DAPK1: variants seen among roughly 807,000 people sequenced by gnomAD.
DAPK1 encodes the protein death-associated protein kinase 1.
In DAPK1, 56 loss-of-function variants were observed where a neutral mutation model predicts 144.9. The ratio of observed to expected loss-of-function variants is 0.39; its 90% CI spans 0.31 to 0.48. DAPK1 has a LOEUF of 0.48. Ranked by LOEUF, DAPK1 falls within the 20% of genes least tolerant of loss-of-function variation. DAPK1 has a pLI of 0.95. For missense variants in DAPK1, 1,454 were observed against 1,875.4 expected, an observed-to-expected ratio of 0.78 and a Z score of 4.15; for synonymous variants, 690 against 749.0, an observed-to-expected ratio of 0.92 and a Z score of 1.29.
intron 24 of DAPK1, among the ~76,000 whole-genome samples, chr9:87,700,706 G>A (rs1434162073): frequency 1.3e-5 from 2 of 151,940 alleles, no homozygotes; most frequent in East Asian, 1.9e-4. Context: ...TTACTATGTT[G>A]CCCAGGCTGG....
intron 10 of DAPK1, among the ~76,000 whole-genome samples, chr9:87,642,427 G>T (rs1830128577): frequency 6.6e-6 from 1 of 152,116 alleles, no homozygotes; most frequent in South Asian, 2.1e-4. Context: ...TGTACCTTGG[G>T]TAAGTGGGTC....
intron 2 of DAPK1, among the ~76,000 whole-genome samples, chr9:87,599,423 G>C (rs1249279894): frequency 6.6e-6 from 1 of 152,210 alleles, no homozygotes; most frequent in Non-Finnish European, 1.5e-5. Flanking sequence ...CAGTGAGTCA[G>C]ACAGAGAAAT....
intron 18 of DAPK1, among the ~76,000 whole-genome samples, chr9:87,665,159 A>G (rs1458329561): frequency 7.3e-6 from 1 of 137,282 alleles, no homozygotes; most frequent in Non-Finnish European, 1.5e-5. Flanking sequence ...CATAGCACCT[A>G]TCACCACCTG....
intron 2 of DAPK1, among the ~76,000 whole-genome samples, chr9:87,530,840 T>C (rs1188105287): frequency 6.6e-6 from 1 of 152,120 alleles, no homozygotes; most frequent in Non-Finnish European, 1.5e-5. Flanking sequence ...CCTTTGAAGG[T>C]CATCCTCACT....
At chr9:87,635,982 T>C (rs1031026630) in intron 3 of DAPK1, among the ~76,000 whole-genome samples, 9 of 152,192 alleles carry the variant, frequency 5.9e-5, no homozygotes, top group Non-Finnish European at 8.8e-5. Context: ...TCTCCCACTT[T>C]TTCCCCCCTA....
At chr9:87,507,944 A>G (rs1361801502) in intron 2 of DAPK1, among the ~76,000 whole-genome samples, 4 of 152,240 alleles carry the variant, frequency 2.6e-5, no homozygotes, top group South Asian at 4.1e-4. Context: ...TTCACCTACA[A>G]AAATGAACTA....
chr9:87,640,259 T>A, intron 7 of DAPK1, 39 bp from the exon 8 acceptor site: 1 of 1,589,344 alleles, frequency 6.3e-7, no homozygotes, highest in Non-Finnish European at 8.6e-7. Flanking sequence ...CACCAAGGGG[T>A]CATCATTAAT....
intron 2 of DAPK1, among the ~76,000 whole-genome samples, chr9:87,532,605 T>A (rs1299969257): frequency 1.3e-5 from 2 of 152,196 alleles, no homozygotes; most frequent in Non-Finnish European, 2.9e-5. Flanking sequence ...GATAGCATTT[T>A]TATACCCCCT....
At chr9:87,653,475 A>T (rs78954990) in intron 17 of DAPK1, among the ~76,000 whole-genome samples, 3,676 of 152,210 alleles carry the variant, frequency 0.024, 117 homozygotes, top group African/African-American at 0.07. Flanking sequence ...TGCATAACTC[A>T]GTGTACACTG....
chr9:87,516,428 T>C (rs116018969), intron 2 of DAPK1, among the ~76,000 whole-genome samples: 358 of 152,190 alleles, frequency 2.4e-3, no homozygotes, highest in African/African-American at 7.8e-3. Context: ...TCATGAGTCA[T>C]GAGTCATGGC....
intron 19 of DAPK1, among the ~76,000 whole-genome samples, chr9:87,672,705 G>T (rs1824218756): frequency 6.6e-6 from 1 of 152,164 alleles, no homozygotes; most frequent in East Asian, 1.9e-4. Context: ...ATTGCTAATT[G>T]CGGTCTTTCT....
intron 2 of DAPK1, among the ~76,000 whole-genome samples, chr9:87,534,258 G>GTT (rs5899004): frequency 0.28 from 40,430 of 145,408 alleles, 6,006 homozygotes; most frequent in Middle Eastern, 0.44. Flanking sequence ...TTTTTTTTTT[G>GTT]TTTTTTTTTT....
chr9:87,575,876 T>C (rs1827537913), intron 2 of DAPK1, among the ~76,000 whole-genome samples: 1 of 152,156 alleles, frequency 6.6e-6, no homozygotes, highest in African/African-American at 2.4e-5. Context: ...GGCACTAAGG[T>C]GCTCCCTGGC....
rs775145967 is a variant in DAPK1, at chr9:87,648,913, T to C, written c.1428+34T>C. On this transcript the variant is annotated intron_variant, in intron 15 of 25. Coordinates refer to ENST00000408954, the MANE Select transcript of DAPK1 (RefSeq NM_004938.4). ...TGACTGACATCCTCCCTTCCTCTGCTCTATACATGAATGTACAGGCAGCCA... is the reference window on the plus strand; with the variant it reads ...TGACTGACATCCTCCCTTCCTCTGCCCTATACATGAATGTACAGGCAGCCA... 1.9e-6 allele frequency: 3 copies of C among 1,563,278 alleles called. No homozygotes were observed. The South Asian group carries it at 3.3e-5, about 17-fold the overall frequency.
intron 3 of DAPK1, among the ~76,000 whole-genome samples, chr9:87,621,894 C>G (rs1472022106): frequency 2.0e-5 from 3 of 152,060 alleles, no homozygotes; most frequent in Non-Finnish European, 4.4e-5. Context: ...ATCTGCAGTT[C>G]CCCCACATCC....
intron 2 of DAPK1, among the ~76,000 whole-genome samples, chr9:87,514,308 G>A (rs944563457): frequency 3.9e-4 from 60 of 152,212 alleles, no homozygotes; most frequent in African/African-American, 1.4e-3. Context: ...GGCAGTTGCT[G>A]TTGTACTTTG....
chr9:87,497,744 C>A (rs1824218108), upstream of DAPK1: 1 of 295,618 alleles, frequency 3.4e-6, no homozygotes, highest in Admixed American at 5.2e-5. Context: ...GCAGAACCCG[C>A]AGCGCCGGCC....
At chr9:87,568,452 A>C (rs9314763) in intron 2 of DAPK1, among the ~76,000 whole-genome samples, 42,153 of 152,170 alleles carry the variant, frequency 0.28, 6,244 homozygotes, top group East Asian at 0.49. Flanking sequence ...TTGCATTTGA[A>C]AAGAGTTTTG....
intron 18 of DAPK1, among the ~76,000 whole-genome samples, chr9:87,660,063 G>A (rs887880267): frequency 6.6e-6 from 1 of 152,158 alleles, no homozygotes. Flanking sequence ...GGAACCTGCA[G>A]GCCAGGCCCC....
Sources: allele counts gnomAD v4.1 joint callset (sites outside exome capture counted in the v4.1 genomes callset), GRCh38; gene constraint gnomAD v4.1.1; transcripts MANE v1.5; gene names NCBI Gene and HGNC (gene_info 2026-07-23, HGNC 2026-07-21).